The following SNX29 variants were observed in gnomAD, a reference collection of about 807,000 sequenced individuals.
SNX29 encodes sorting nexin-29.
SNX29 carries 78 observed loss-of-function variants against 102.1 expected under a neutral mutation model. The ratio of observed to expected loss-of-function variants is 0.76; its 90% CI spans 0.64 to 0.92. The LOEUF is 0.92. Ranked by LOEUF, SNX29 falls within the 40% of genes least tolerant of loss-of-function variation. The pLI is 0.00. For missense variants in SNX29, 1,280 were observed against 1,061.7 expected (o/e 1.21, Z -2.86); for synonymous variants, 580 against 414.5 (o/e 1.40, Z -4.85).
chr16:12,308,123 G>C (rs746383972), intron 15 of SNX29, among the ~76,000 whole-genome samples: 2 of 152,246 alleles, frequency 1.3e-5, no homozygotes, highest in African/African-American at 2.4e-5. Flanking sequence ...CACTGCTGAA[G>C]GTGATGCATG....
intron 14 of SNX29, among the ~76,000 whole-genome samples, chr16:12,249,256 G>A (rs575780439): frequency 2.0e-5 from 3 of 152,322 alleles, no homozygotes; most frequent in African/African-American, 7.2e-5. Context: ...AGGTGTCTGG[G>A]TCCTTGGCTC....
At chr16:12,006,353 T>A (rs564497996) in intron 3 of SNX29, among the ~76,000 whole-genome samples, 1 of 150,840 alleles carries the variant, frequency 6.6e-6, no homozygotes, top group East Asian at 2.0e-4. Context: ...CCGTCTCTAC[T>A]TAAAATACAA....
chr16:12,488,452 C>G (rs1362372479), intron 19 of SNX29, among the ~76,000 whole-genome samples: 1 of 152,132 alleles, frequency 6.6e-6, no homozygotes, highest in Non-Finnish European at 1.5e-5. Context: ...CCCCCCCGTC[C>G]CCGCACCCAT....
chr16:12,210,796 CTT>C (rs2077164486), intron 14 of SNX29, among the ~76,000 whole-genome samples: 1 of 152,040 alleles, frequency 6.6e-6, no homozygotes, highest in Non-Finnish European at 1.5e-5. Context: ...TCCCTTCTCT[CTT>C]GTTTCACTCT....
intron 18 of SNX29, chr16:12,443,319 A>G (rs1350160964): frequency 1.1e-5 from 2 of 186,784 alleles, no homozygotes; most frequent in Non-Finnish European, 2.3e-5. Context: ...CCAAGGCAGC[A>G]GAGAGAGTCT....
chr16:12,559,346 C>G (rs1372809906), intron 20 of SNX29, among the ~76,000 whole-genome samples: 1 of 151,720 alleles, frequency 6.6e-6, no homozygotes, highest in Admixed American at 6.6e-5. Context: ...AGGCTGCATG[C>G]TACTTACGAG....
At chr16:12,069,189 G>A in intron 10 of SNX29, 57 bp downstream of exon 10, 1 of 1,443,188 alleles carries the variant, frequency 6.9e-7, no homozygotes, top group Non-Finnish European at 9.6e-7. Flanking sequence ...TCACAGCTGT[G>A]CATTTTATTC....
chr16:12,535,591 C>G (rs1332238303), intron 20 of SNX29, among the ~76,000 whole-genome samples: 1 of 151,996 alleles, frequency 6.6e-6, no homozygotes, highest in Non-Finnish European at 1.5e-5. Flanking sequence ...GCACGATTGG[C>G]AAGCCTCTAC....
chr16:12,436,948 C>T (rs748102192), intron 18 of SNX29, among the ~76,000 whole-genome samples: 3 of 152,220 alleles, frequency 2.0e-5, no homozygotes, highest in Admixed American at 6.5e-5. Flanking sequence ...CCACCACGCC[C>T]GGCCTCTTTC....
At chr16:12,411,502 A>G (rs1046994382) in intron 18 of SNX29, among the ~76,000 whole-genome samples, 2 of 152,246 alleles carry the variant, frequency 1.3e-5, no homozygotes, top group Admixed American at 6.5e-5. Flanking sequence ...CCTGCTGGAC[A>G]TATGTGTCAC....
chr16:12,138,307 A>G (rs2054739147), intron 13 of SNX29, among the ~76,000 whole-genome samples: 1 of 149,336 alleles, frequency 6.7e-6, no homozygotes, highest in African/African-American at 2.5e-5. Flanking sequence ...TCCCAGGTTC[A>G]AGCAATTCTC....
chr16:12,403,700 T>C (rs1395982718), intron 18 of SNX29, among the ~76,000 whole-genome samples, 171 bp downstream of exon 18: 1 of 152,158 alleles, frequency 6.6e-6, no homozygotes, highest in Non-Finnish European at 1.5e-5. Flanking sequence ...GTCTGTGGCT[T>C]TCAGTTGGGC....
At chr16:12,089,111 AGAGAGAGAGAGAGAAAAG>A in intron 11 of SNX29, among the ~76,000 whole-genome samples, 1 of 89,774 alleles carries the variant, frequency 1.1e-5, no homozygotes, top group East Asian at 3.1e-4. Flanking sequence ...AAGAGAGGAG[AGAGAGAGAGAGAGAAAAG>A]AGAGAGAGAG....
At chr16:11,999,493 T>A in intron 2 of SNX29, 135 bp downstream of exon 2, 1 of 874,064 alleles carries the variant, frequency 1.1e-6, no homozygotes, top group Admixed American at 2.6e-5. Context: ...ATCTACTCAT[T>A]TTTCCCAGGA....
intron 15 of SNX29, among the ~76,000 whole-genome samples, chr16:12,333,186 A>G (rs112090976): frequency 0.054 from 7,947 of 147,108 alleles, 695 homozygotes; most frequent in African/African-American, 0.19. Context: ...GCTCACTGCA[A>G]CTTCCGCCTA....
intron 19 of SNX29, among the ~76,000 whole-genome samples, chr16:12,494,517 C>A (rs1202831421): frequency 2.0e-5 from 3 of 152,140 alleles, no homozygotes; most frequent in Admixed American, 6.5e-5. Flanking sequence ...TAAACCCACT[C>A]CAAAGCTCCT....
chr16:11,977,252 C>A (rs190964230), intron 1 of SNX29, among the ~76,000 whole-genome samples: 1 of 152,214 alleles, frequency 6.6e-6, no homozygotes, highest in African/African-American at 2.4e-5. Context: ...CTGCAGTTTC[C>A]ACACAGGCAT....
rs543685653 is a variant in SNX29, at chr16:12,568,702, C to G, written c.*73C>G. Reference sequence around the variant, plus strand: ...TCCACCCCAGCCACTGCCGCTGGCCCCTCACCTCAGCGTGACAACCACGTC... The same window carrying G: ...TCCACCCCAGCCACTGCCGCTGGCCGCTCACCTCAGCGTGACAACCACGTC... On this transcript the variant is annotated 3_prime_UTR_variant, in exon 21 of 21. Coordinates refer to ENST00000566228, the MANE Select transcript of SNX29 (RefSeq NM_032167.5). 8.1e-5 allele frequency: 126 copies of G among 1,564,970 alleles called. No individual in the cohort carries two copies. Among genetic ancestry groups the G allele is most frequent in the Non-Finnish European group, 9.7e-5 (113 of 1,160,964 alleles).
At chr16:12,535,539 C>T (rs764817587) in intron 20 of SNX29, among the ~76,000 whole-genome samples, 1 of 152,178 alleles carries the variant, frequency 6.6e-6, no homozygotes, top group African/African-American at 2.4e-5. Context: ...GCCATAGTCT[C>T]ACAGCTGGGA....
Sources: allele counts gnomAD v4.1 joint callset (sites outside exome capture counted in the v4.1 genomes callset), GRCh38; gene constraint gnomAD v4.1.1; transcripts MANE v1.5; gene names NCBI Gene and HGNC (gene_info 2026-07-23, HGNC 2026-07-21).